The following PARN variants were observed in gnomAD, a reference collection of about 807,000 sequenced individuals.
PARN encodes poly(A)-specific ribonuclease PARN.
PARN carries 71 observed loss-of-function variants against 102.8 expected under a neutral mutation model. The ratio of observed to expected loss-of-function variants is 0.69; its 90% CI spans 0.57 to 0.84. PARN has a LOEUF of 0.84. Ranked by LOEUF, PARN falls within the 40% of genes least tolerant of loss-of-function variation. PARN has a pLI of 0.00. For missense variants in PARN, 782 were observed against 760.9 expected, an observed-to-expected ratio of 1.03 and a Z score of -0.33; for synonymous variants, 261 against 252.9, an observed-to-expected ratio of 1.03 and a Z score of -0.30.
intron 12 of PARN, among the ~76,000 whole-genome samples, chr16:14,595,952 C>T (rs1970479989): frequency 6.6e-6 from 1 of 152,138 alleles, no homozygotes; most frequent in Non-Finnish European, 1.5e-5. Context: ...GGTTGAGCCA[C>T]CATGCCCAGC....
At chr16:14,571,496 T>C (rs1299009027) in intron 18 of PARN, among the ~76,000 whole-genome samples, 1 of 152,114 alleles carries the variant, frequency 6.6e-6, no homozygotes, top group Non-Finnish European at 1.5e-5. Flanking sequence ...TACATGTAGG[T>C]TTTTTGCGGG....
chr16:14,517,754 T>C (rs1019601932), intron 21 of PARN, among the ~76,000 whole-genome samples: 11 of 152,132 alleles, frequency 7.2e-5, no homozygotes, highest in Admixed American at 1.3e-4. Flanking sequence ...TCTTGGCTCA[T>C]TGCAACCTCT....
At chr16:14,450,931 A>G (rs909444694) in intron 22 of PARN, among the ~76,000 whole-genome samples, 1 of 152,136 alleles carries the variant, frequency 6.6e-6, no homozygotes, top group Non-Finnish European at 1.5e-5. Flanking sequence ...GCAATCCATG[A>G]GTCTACATCA....
chr16:14,627,107 T>G lies in PARN; in HGVS notation c.326A>C (p.Gln109Pro). ...RSSPDVKFVC[Q>P]SSSIDFLASQ... ...AAAAATCTCAATTATGCTACTTACC[T>G]GACAAACAAATTTGACATCTGGTGA... The change falls in exon 5 of 24, where the codon CAG (glutamine) becomes CCG (proline). Residue 109 changes from glutamine (Q) to proline (P), a missense_variant and splice_region_variant. Transcript: ENST00000437198. The G allele has an allele frequency of 6.4e-7, 1 of 1,571,570 alleles. No individual in the cohort carries two copies. Among genetic ancestry groups the G allele is most frequent in the Non-Finnish European group, 8.7e-7 (1 of 1,143,654 alleles).
chr16:14,492,307 C>A (rs890441730), intron 21 of PARN, among the ~76,000 whole-genome samples: 1 of 152,222 alleles, frequency 6.6e-6, no homozygotes, highest in Admixed American at 6.5e-5. Context: ...CCATGAGATG[C>A]ACTCAGGAAA....
chr16:14,606,424 C>G lies in PARN; in HGVS notation c.702+60G>C, dbSNP rs923683165. ...AAAAAAAAAAGAAAAAAAAAAGAAA[C>G]CCCTAACAGTGTAACAATGGATGTG... On this transcript the variant is annotated intron_variant, in intron 10 of 23. Coordinates refer to ENST00000437198, the MANE Select transcript of PARN (RefSeq NM_002582.4). The G allele has an allele frequency of 9.1e-6, 8 of 880,510 alleles. No individual in the cohort carries two copies. In the African/African-American group the frequency reaches 1.0e-4, roughly 12 times the overall value. 54.5% of individuals were successfully genotyped at this position (880,510 alleles called of 1,614,324 possible).
At chr16:14,583,679 C>T (rs548377622) in intron 16 of PARN, among the ~76,000 whole-genome samples, 5 of 152,296 alleles carry the variant, frequency 3.3e-5, no homozygotes, top group Admixed American at 6.5e-5. Context: ...ATTTCTAAAC[C>T]ATTAGTCCTA....
intron 16 of PARN, among the ~76,000 whole-genome samples, chr16:14,584,050 A>T (rs1325754081): frequency 6.6e-6 from 1 of 152,206 alleles, no homozygotes; most frequent in Non-Finnish European, 1.5e-5. Context: ...GAAAGAATAA[A>T]AGGGCACATC....
chr16:14,594,490 G>A (rs539199336), intron 12 of PARN, among the ~76,000 whole-genome samples: 2 of 152,264 alleles, frequency 1.3e-5, no homozygotes, highest in Admixed American at 6.5e-5. Flanking sequence ...CAAGGCAGGC[G>A]GATCACCTGA....
At chr16:14,602,097 A>G (rs1970906832) in intron 11 of PARN, 1 of 150,852 alleles carries the variant, frequency 6.6e-6, no homozygotes, top group South Asian at 2.1e-4. Context: ...CGCCCGGCTA[A>G]TTTTTTTGCA....
chr16:14,443,417 T>G (rs1008468347), intron 23 of PARN, among the ~76,000 whole-genome samples: 1 of 151,654 alleles, frequency 6.6e-6, no homozygotes, highest in African/African-American at 2.4e-5. Flanking sequence ...CTCAGCTCAC[T>G]GCAACCTCTG....
intron 21 of PARN, among the ~76,000 whole-genome samples, chr16:14,521,156 C>T (rs1329651199): frequency 6.6e-6 from 1 of 152,234 alleles, no homozygotes; most frequent in Non-Finnish European, 1.5e-5. Context: ...GTAATGTACA[C>T]TTTGGCAAAC....
intron 21 of PARN, among the ~76,000 whole-genome samples, chr16:14,519,311 AAGGGGAGGGG>A (rs1052425773): frequency 1.8e-5 from 1 of 54,692 alleles, no homozygotes; most frequent in Non-Finnish European, 3.4e-5. Flanking sequence ...GAGGGAAGGG[AAGGGGAGGGG>A]AGGGGACGTG....
chr16:14,581,350 C>A (rs1969522932), intron 17 of PARN, among the ~76,000 whole-genome samples: 1 of 152,098 alleles, frequency 6.6e-6, no homozygotes, highest in Admixed American at 6.6e-5. Flanking sequence ...CTGCGCCCGG[C>A]CTGTGAAAGG....
Position 14,627,179 on chromosome 16 carries a change from G to A in PARN, c.254C>T (p.Thr85Met), listed in dbSNP as rs139959455. The part of the protein sequence containing the change: ...KYDYTDSKYI[T>M]KSFNFYVFPK... ...GAAAACATAGAAGTTAAATGACTTC[G>A]TTATATACCTGGGATAAGATAAAAG... The change falls in exon 5 of 24, where the codon ACG (threonine) becomes ATG (methionine). Residue 85 changes from threonine to methionine, a missense_variant. Coordinates refer to ENST00000437198, the MANE Select transcript of PARN (RefSeq NM_002582.4). 11 of 1,595,580 alleles carry A rather than the reference G, an allele frequency of 6.9e-6. No individual in the cohort carries two copies. Among genetic ancestry groups the A allele is most frequent in the Middle Eastern group, 1.7e-4 (1 of 6,036 alleles).
intron 21 of PARN, among the ~76,000 whole-genome samples, chr16:14,512,240 G>A (rs563576741): frequency 2.0e-5 from 3 of 152,242 alleles, no homozygotes; most frequent in East Asian, 1.9e-4. Context: ...GGTAGTTCAC[G>A]CCTGTAATCC....
At chr16:14,619,781 C>CA (rs1336902049) in intron 5 of PARN, among the ~76,000 whole-genome samples, 1 of 150,094 alleles carries the variant, frequency 6.7e-6, no homozygotes, top group African/African-American at 2.4e-5. Context: ...AAAAAAAAAA[C>CA]AAAAAACAGG....
chr16:14,451,167 T>G (rs1321748893), intron 22 of PARN, among the ~76,000 whole-genome samples: 1 of 152,198 alleles, frequency 6.6e-6, no homozygotes, highest in Non-Finnish European at 1.5e-5. Flanking sequence ...ACCAGAAGTT[T>G]ACTGGCCCAA....
chr16:14,611,354 T>C (rs2151798505), intron 6 of PARN, among the ~76,000 whole-genome samples: 1 of 152,332 alleles, frequency 6.6e-6, no homozygotes, highest in Admixed American at 6.5e-5. Context: ...CACAGGCCAG[T>C]GTAAGAAATG....
Sources: allele counts gnomAD v4.1 joint callset (sites outside exome capture counted in the v4.1 genomes callset), GRCh38; gene constraint gnomAD v4.1.1; transcripts MANE v1.5; gene names NCBI Gene and HGNC (gene_info 2026-07-23, HGNC 2026-07-21).